OXR1: variants seen among roughly 807,000 people sequenced by gnomAD.
OXR1 encodes oxidation resistance 1, also known as oxidation resistance protein 1.
In OXR1, 41 loss-of-function variants were observed where a neutral mutation model predicts 104.6. The observed-to-expected ratio is 0.39, with a 90% CI of 0.31 to 0.51. The LOEUF (loss-of-function observed/expected upper bound fraction) is 0.51, where lower values mean the gene tolerates loss of function less well. Among genes scored for constraint, OXR1 ranks in the 20% least tolerant of loss-of-function variants. OXR1 has a pLI of 0.77. For missense variants in OXR1, 955 were observed against 1,031.9 expected (o/e 0.93, Z 1.02); for synonymous variants, 348 against 348.4 (o/e 1.00, Z 0.01).
At chr8:106,402,573 T>G (rs1223697245) in intron 2 of OXR1, among the ~76,000 whole-genome samples, 1 of 152,216 alleles carries the variant, frequency 6.6e-6, no homozygotes, top group Non-Finnish European at 1.5e-5. Flanking sequence ...ACTACTTTGG[T>G]GACCCACAGT....
chr8:106,577,584 T>A (rs1187106626), intron 3 of OXR1, among the ~76,000 whole-genome samples: 1 of 151,744 alleles, frequency 6.6e-6, no homozygotes, highest in East Asian at 1.9e-4. Flanking sequence ...AGAGACAAGG[T>A]TTACCAGGTC....
chr8:106,713,936 C>T lies in OXR1; in HGVS notation c.1907C>T (p.Ser636Phe), dbSNP rs1161989345. Residue 636 changes from serine to phenylalanine, a missense_variant, in exon 11 of 17, where the codon TCT (serine) becomes TTT (phenylalanine). Coordinates refer to ENST00000517566, the MANE Select transcript of OXR1 (RefSeq NM_001198533.2). Reference protein sequence around the residue: ...GFIVVKKIEESETIEDSSNQA... With the variant: ...GFIVVKKIEEFETIEDSSNQA... ...ATAGTAGTAAAAAAGATTGAGGAGT[C>T]TGAAACAATTGAGGATTCTAGTAAT... is the stretch of plus-strand genomic sequence containing the variant. 3.1e-6 allele frequency: 5 copies of T among 1,591,258 alleles called. No individual in the cohort carries two copies. The highest frequency in any genetic ancestry group is 2.6e-6 in the Non-Finnish European group (3 of 1,173,238).
intron 3 of OXR1, among the ~76,000 whole-genome samples, chr8:106,642,287 T>A (rs1586951178): frequency 6.6e-6 from 1 of 152,278 alleles, no homozygotes; most frequent in East Asian, 1.9e-4. Flanking sequence ...ACAGGAATCA[T>A]AGTGTATTTT....
rs1835939289 is a variant in OXR1, at chr8:106,752,359, C to A, written c.*1418C>A. ...TTGTATAGCACTTACATATTTAGTTCTTTTGAAAGTTTAGATAATTATTTA... is the reference window on the plus strand; with the variant it reads ...TTGTATAGCACTTACATATTTAGTTATTTTGAAAGTTTAGATAATTATTTA... On this transcript the variant is annotated 3_prime_UTR_variant, in exon 17 of 17. Transcript: ENST00000517566. 6.6e-6 allele frequency: 1 copy of A among 152,334 alleles called. No homozygotes were observed. The highest frequency in any genetic ancestry group is 1.5e-5 in the Non-Finnish European group (1 of 67,888). The allele number at this position is 152,334 out of a possible 1,614,324, so 9.4% of individuals were successfully genotyped here.
chr8:106,425,896 C>A (rs1049401931), intron 2 of OXR1, among the ~76,000 whole-genome samples: 1 of 151,956 alleles, frequency 6.6e-6, no homozygotes, highest in Non-Finnish European at 1.5e-5. Context: ...AGGTTGTCTC[C>A]GATGAGAGAG....
intron 3 of OXR1, among the ~76,000 whole-genome samples, chr8:106,580,280 A>G (rs1818136722): frequency 6.6e-6 from 1 of 152,132 alleles, no homozygotes; most frequent in South Asian, 2.1e-4. Context: ...TTTTGTTTCT[A>G]TGAATTTGAC....
In OXR1 at chr8:106,706,960, A is replaced by G. The variant is rs566469229; in HGVS notation, c.1439A>G (p.Gln480Arg). Reference sequence around the variant, plus strand: ...GAAACAGCAGAATTTAAACAAAAGCAAAGTGTTAACAAAGGAAAACAAGGA... The same window carrying G: ...GAAACAGCAGAATTTAAACAAAAGCGAAGTGTTAACAAAGGAAAACAAGGA... ...CGETAEFKQK[Q>R]SVNKGKQGKE... Residue 480 changes from glutamine (Q) to arginine (R), a missense_variant, in exon 9 of 17, where the codon CAA becomes CGA. Physicochemically the swap from Gln to Arg is conservative, Grantham distance 43. This residue lies in a region of OXR1 where 849 missense variants were observed against 852.9 expected (regional missense o/e 1.00). Coordinates refer to ENST00000517566, the MANE Select transcript of OXR1 (RefSeq NM_001198533.2). 8.1e-6 allele frequency: 13 copies of G among 1,613,792 alleles called. No homozygotes were observed. The African/African-American group carries it at 1.2e-4, about 15-fold the overall frequency.
chr8:106,725,941 G>A, intron 11 of OXR1: 2 of 288,798 alleles, frequency 6.9e-6, no homozygotes. Flanking sequence ...GGAAATATAG[G>A]CTCTGTGTCT....
Position 106,293,664 on chromosome 8 carries a change from G to C in OXR1, c.-139+23297G>C, listed in dbSNP as rs146583367. 3.4e-3 allele frequency among the ~76,000 whole-genome samples: 515 copies of C among 152,300 alleles called. 4 individuals are homozygous for C. Among genetic ancestry groups the C allele is most frequent in the African/African-American group, 0.011 (458 of 41,568 alleles). On this transcript the variant is annotated intron_variant, in intron 1 of 16. Transcript: ENST00000517566. Reference sequence around the variant, plus strand: ...GGAGGCTGGAAAGTCCAAGATCAAGGCTTCATCTGGTGAGGGCCTTTTTAC... The same window carrying C: ...GGAGGCTGGAAAGTCCAAGATCAAGCCTTCATCTGGTGAGGGCCTTTTTAC...
intron 11 of OXR1, chr8:106,726,182 A>G: frequency 6.7e-7 from 1 of 1,491,958 alleles, no homozygotes; most frequent in Non-Finnish European, 8.9e-7. Flanking sequence ...TGACAGAGGA[A>G]GAATGCTTTT....
At chr8:106,395,945 G>T (rs906226023) in intron 2 of OXR1, among the ~76,000 whole-genome samples, 4 of 152,044 alleles carry the variant, frequency 2.6e-5, no homozygotes, top group Non-Finnish European at 4.4e-5. Context: ...TGTCACAGGG[G>T]CACAGGGGCC....
intron 7 of OXR1, 117 bp from the exon 8 acceptor site, chr8:106,702,789 C>T (rs1830701594): frequency 1.3e-6 from 1 of 746,498 alleles, no homozygotes; most frequent in Non-Finnish European, 2.1e-6. Context: ...GCCACAGTTC[C>T]TGAGTGTACT....
chr8:106,349,301 C>T (rs1255547452), intron 1 of OXR1, among the ~76,000 whole-genome samples: 1 of 151,648 alleles, frequency 6.6e-6, no homozygotes, highest in African/African-American at 2.4e-5. Flanking sequence ...TTAAACTGCC[C>T]AAAGAATTTA....
At chr8:106,565,577 T>C (rs1057283307) in intron 3 of OXR1, among the ~76,000 whole-genome samples, 2 of 152,132 alleles carry the variant, frequency 1.3e-5, no homozygotes, top group Admixed American at 1.3e-4. Context: ...GATTCCATGC[T>C]ATTCCCATCA....
At chr8:106,690,951 A>G (rs1293716661) in intron 6 of OXR1, among the ~76,000 whole-genome samples, 1 of 152,012 alleles carries the variant, frequency 6.6e-6, no homozygotes, top group Non-Finnish European at 1.5e-5. Flanking sequence ...CAAATTTTCA[A>G]TCGCAAAAGA....
At chr8:106,421,526 C>T (rs989918678) in intron 2 of OXR1, among the ~76,000 whole-genome samples, 3 of 152,240 alleles carry the variant, frequency 2.0e-5, no homozygotes, top group Admixed American at 6.5e-5. Context: ...ACATGGCTAG[C>T]TGTGGACTGG....
At chr8:106,522,079 G>C (rs1382854629) in intron 3 of OXR1, among the ~76,000 whole-genome samples, 1 of 152,096 alleles carries the variant, frequency 6.6e-6, no homozygotes, top group Non-Finnish European at 1.5e-5. Context: ...ATAATTTTAG[G>C]GCTTAAAGGA....
At chr8:106,550,286 A>G (rs1815700055) in intron 3 of OXR1, among the ~76,000 whole-genome samples, 1 of 152,212 alleles carries the variant, frequency 6.6e-6, no homozygotes. Context: ...CACGGAGTGT[A>G]CACTAGACAA....
chr8:106,667,978 AAAG>A (rs1330742811), intron 3 of OXR1, among the ~76,000 whole-genome samples: 3 of 151,818 alleles, frequency 2.0e-5, no homozygotes, highest in African/African-American at 7.2e-5. Flanking sequence ...AAAAAAAAAA[AAAG>A]AAAAAAAATT....
Sources: allele counts gnomAD v4.1 joint callset (sites outside exome capture counted in the v4.1 genomes callset), GRCh38; gene constraint gnomAD v4.1.1; regional missense constraint gnomAD v4.1.1; transcripts MANE v1.5; gene names NCBI Gene and HGNC (gene_info 2026-07-23, HGNC 2026-07-21).